Variants in NELL1 observed in about 807,000 individuals in gnomAD.
NELL1 encodes the protein neural EGFL like 1.
NELL1 carries 76 observed loss-of-function variants against 107.4 expected under a neutral mutation model. The observed-to-expected ratio is 0.71, with a 90% CI of 0.59 to 0.86. The LOEUF (loss-of-function observed/expected upper bound fraction) is 0.86. Ranked by LOEUF, NELL1 falls within the 40% of genes least tolerant of loss-of-function variation. The probability of loss-of-function intolerance (pLI) is 0.00; values close to 1 mark genes in which losing one functional copy is unlikely to be tolerated. For missense variants in NELL1, 1,024 were observed against 1,005.5 expected (o/e 1.02, Z -0.25); for synonymous variants, 353 against 341.2 (o/e 1.03, Z -0.38).
chr11:20,879,131 C>A (rs928899732), intron 4 of NELL1, among the ~76,000 whole-genome samples: 7 of 151,942 alleles, frequency 4.6e-5, no homozygotes, highest in African/African-American at 1.5e-4. Flanking sequence ...ATATGATGGG[C>A]CCAAGGGTAC....
chr11:20,827,196 C>T lies in NELL1; in HGVS notation c.336-20387C>T, dbSNP rs371195877. Among the ~76,000 whole-genome samples, 131 of 151,282 alleles carry T rather than the reference C, an allele frequency of 8.7e-4. 3 individuals carry two copies. The South Asian group carries it at 0.013, about 15-fold the overall frequency. ...ATGTCTAATTTCCAATTCCATGGAC[C>T]CCCTTATACTATGATTGGAAGAGCC... On this transcript the variant is annotated intron_variant, in intron 3 of 19. Transcript: ENST00000357134.
At chr11:21,022,905 A>G (rs1022246907) in intron 12 of NELL1, among the ~76,000 whole-genome samples, 21 of 152,122 alleles carry the variant, frequency 1.4e-4, no homozygotes, top group African/African-American at 4.8e-4. Flanking sequence ...GGTAGAGTTC[A>G]AGATATTAAA....
intron 5 of NELL1, among the ~76,000 whole-genome samples, chr11:20,893,655 T>C (rs1849664320): frequency 6.6e-6 from 1 of 151,104 alleles, no homozygotes. Flanking sequence ...CAACCCAAAA[T>C]AAGGTAAGAA....
chr11:20,904,889 T>C (rs753686860), intron 5 of NELL1, among the ~76,000 whole-genome samples: 10 of 151,978 alleles, frequency 6.6e-5, no homozygotes, highest in Non-Finnish European at 7.4e-5. Context: ...AGGACAATGA[T>C]ATGATCATGG....
At chr11:21,340,863 G>A (rs550081818) in intron 14 of NELL1, among the ~76,000 whole-genome samples, 2 of 152,214 alleles carry the variant, frequency 1.3e-5, no homozygotes, top group East Asian at 1.9e-4. Flanking sequence ...AGAACTGTGA[G>A]ACAGTAAATT....
intron 15 of NELL1, among the ~76,000 whole-genome samples, chr11:21,448,833 A>C (rs758820220): frequency 3.9e-5 from 6 of 152,208 alleles, no homozygotes; most frequent in Non-Finnish European, 8.8e-5. Context: ...CTATTTTATC[A>C]GACATTTTTC....
chr11:21,162,245 G>A (rs192461862), intron 13 of NELL1, among the ~76,000 whole-genome samples: 44 of 152,000 alleles, frequency 2.9e-4, no homozygotes, highest in Admixed American at 1.8e-3. Flanking sequence ...CACTGCGCCC[G>A]GCCTGGGAAC....
At chr11:21,337,350 T>A (rs1290675644) in intron 14 of NELL1, among the ~76,000 whole-genome samples, 1 of 152,218 alleles carries the variant, frequency 6.6e-6, no homozygotes, top group Non-Finnish European at 1.5e-5. Context: ...ACTATGTTGT[T>A]CTAATGGTAA....
At chr11:21,513,484 G>A (rs1050412730) in intron 15 of NELL1, among the ~76,000 whole-genome samples, 4 of 151,956 alleles carry the variant, frequency 2.6e-5, no homozygotes, top group South Asian at 4.2e-4. Flanking sequence ...TTCTATTAAC[G>A]GAAATATATC....
intron 2 of NELL1, among the ~76,000 whole-genome samples, chr11:20,702,925 G>C (rs1819598598): frequency 6.6e-6 from 1 of 152,114 alleles, no homozygotes; most frequent in Non-Finnish European, 1.5e-5. Context: ...ATTTTATTGA[G>C]GATTTTTGCA....
chr11:21,575,080 A>G lies in NELL1; in HGVS notation c.*58A>G, dbSNP rs904351262. On this transcript the variant is annotated 3_prime_UTR_variant, in exon 20 of 20. Transcript: ENST00000357134. ...GACGAAATGACCATCCAACGTGATT[A>G]AGGATAGGAATCGGTAGTTTGGTTT... The G allele has an allele frequency of 6.4e-6, 9 of 1,416,928 alleles. No homozygotes were observed. In the African/African-American group the frequency reaches 1.1e-4, roughly 18 times the overall value. The allele number at this position is 1,416,928 out of a possible 1,614,324, so 87.8% of individuals were successfully genotyped here. A position where few individuals can be genotyped will look rare whatever the true frequency, so the allele number is the denominator to read the frequency against.
intron 12 of NELL1, among the ~76,000 whole-genome samples, chr11:21,110,824 C>T (rs953107221): frequency 2.0e-5 from 3 of 152,120 alleles, no homozygotes; most frequent in Non-Finnish European, 4.4e-5. Flanking sequence ...CTCTTCACTA[C>T]AGCCAGAGTG....
intron 2 of NELL1, among the ~76,000 whole-genome samples, chr11:20,702,952 A>C (rs181166679): frequency 2.0e-4 from 31 of 152,288 alleles, no homozygotes; most frequent in Non-Finnish European, 3.7e-4. Context: ...TTCATCAGGC[A>C]TAGTGGTCTA....
chr11:21,320,497 A>G (rs2133664761), intron 14 of NELL1, among the ~76,000 whole-genome samples: 1 of 152,326 alleles, frequency 6.6e-6, no homozygotes. Flanking sequence ...TGTCCTGGCA[A>G]GGAACTCAAT....
intron 16 of NELL1, among the ~76,000 whole-genome samples, chr11:21,558,637 A>C (rs1203165459): frequency 6.6e-6 from 1 of 152,044 alleles, no homozygotes; most frequent in Non-Finnish European, 1.5e-5. Context: ...CTGGGTTTAA[A>C]ATTTTTGGAA....
chr11:20,809,739 A>G (rs1857459554), intron 3 of NELL1, among the ~76,000 whole-genome samples: 1 of 152,218 alleles, frequency 6.6e-6, no homozygotes, highest in Non-Finnish European at 1.5e-5. Flanking sequence ...CATTGTGTGT[A>G]TATACCACAT....
At chr11:21,312,870 TACTC>T (rs1408427449) in intron 14 of NELL1, among the ~76,000 whole-genome samples, 1 of 152,118 alleles carries the variant, frequency 6.6e-6, no homozygotes, top group Non-Finnish European at 1.5e-5. Context: ...CATCTCCTCT[TACTC>T]ACCTCTCAGA....
intron 13 of NELL1, among the ~76,000 whole-genome samples, chr11:21,205,232 G>T (rs1857363675): frequency 6.6e-6 from 1 of 152,184 alleles, no homozygotes; most frequent in African/African-American, 2.4e-5. Context: ...TCTCCCAGGG[G>T]CTCTGTCCCA....
At chr11:20,887,465 A>G (rs534666459) in intron 5 of NELL1, among the ~76,000 whole-genome samples, 2 of 152,326 alleles carry the variant, frequency 1.3e-5, no homozygotes, top group Non-Finnish European at 2.9e-5. Flanking sequence ...TCCCACCAGC[A>G]ATCTATGAAA....
Sources: allele counts gnomAD v4.1 joint callset (sites outside exome capture counted in the v4.1 genomes callset), GRCh38; gene constraint gnomAD v4.1.1; transcripts MANE v1.5; gene names NCBI Gene and HGNC (gene_info 2026-07-23, HGNC 2026-07-21).